FES: variants seen among roughly 807,000 people sequenced by gnomAD.
FES encodes the protein FES proto-oncogene, tyrosine kinase.
A neutral mutation model predicts 109.6 loss-of-function variants in FES; 83 were observed. The ratio of observed to expected loss-of-function variants is 0.76; its 90% CI spans 0.63 to 0.91. The LOEUF (loss-of-function observed/expected upper bound fraction) is 0.91. Among genes scored for constraint, FES ranks in the 40% least tolerant of loss-of-function variants. FES has a pLI of 0.00. For missense variants in FES, 943 were observed against 1,070.9 expected, an observed-to-expected ratio of 0.88 and a Z score of 1.67; for synonymous variants, 458 against 442.1, an observed-to-expected ratio of 1.04 and a Z score of -0.45.
intron 8 of FES, 26 bp from the exon 9 acceptor site, chr15:90,890,066 A>C (rs746693227): frequency 3.2e-5 from 48 of 1,523,332 alleles, no homozygotes; most frequent in East Asian, 1.5e-4. Context: ...ATTCTCATCC[A>C]CCCTCCCACC....
At position 90,885,039 on chromosome 15, in the gene FES, C is replaced by G. The variant is rs1596087163; in HGVS notation, c.-7C>G. ...GATGGCCCCTTTTCTGTCCCCAGAA[C>G]AGCACTATGGGCTTCTCTTCCGAGC... is the stretch of plus-strand genomic sequence containing the variant. On this transcript the variant is annotated splice_region_variant and 5_prime_UTR_variant, in exon 2 of 19. Transcript: ENST00000328850. The G allele has an allele frequency of 6.2e-7, 1 of 1,604,358 alleles. No homozygotes were observed.
intron 3 of FES, 41 bp from the exon 4 acceptor site, chr15:90,886,920 G>T: frequency 6.3e-7 from 1 of 1,585,184 alleles, no homozygotes; most frequent in Non-Finnish European, 8.7e-7. Context: ...TTCCACAACT[G>T]GGGACCTGCT....
At chr15:90,892,423 A>T (rs929285615) in intron 13 of FES, 1 of 580,338 alleles carries the variant, frequency 1.7e-6, no homozygotes, top group Non-Finnish European at 3.1e-6. Context: ...TTAGGGAAGA[A>T]GTCACTGTCC....
Position 90,890,227 on chromosome 15 carries a change from G to A in FES, c.1185G>A (p.Glu395=). The change falls in exon 9 of 19, where the codon GAG becomes GAA. Residue 395 remains glutamate (E), a synonymous_variant. Transcript: ENST00000328850. The stretch of plus-strand genomic sequence containing the variant: ...AGCTGGAGCACCTGGGCCCCGGCGA[G>A]CCCCCGCCTGTGCTGCTCCTGCAGG... ...QTKLEHLGPG[E]PPPVLLLQDD... 1.3e-6 allele frequency: 2 copies of A among 1,598,700 alleles called. No homozygotes were observed. Among genetic ancestry groups the A allele is most frequent in the Non-Finnish European group, 1.7e-6 (2 of 1,177,866 alleles).
intron 11 of FES, 123 bp downstream of exon 11, chr15:90,891,314 C>G: frequency 7.9e-7 from 1 of 1,272,556 alleles, no homozygotes; most frequent in Non-Finnish European, 1.1e-6. Flanking sequence ...CCTAGCAGGG[C>G]TGGCTGGAAG....
rs567712664 is a variant in FES, at chr15:90,892,945, G to A, written c.1826+120G>A. ...TAGTCCTCGAGGCCCCCCATTGCGG[G>A]TAGTACCCCCTTATAGTGCCGAAGG... On this transcript the variant is annotated intron_variant, in intron 14 of 18. Transcript: ENST00000328850. 7.1e-5 allele frequency: 95 copies of A among 1,329,208 alleles called. No homozygotes were observed. In the African/African-American group the frequency reaches 1.1e-3, roughly 15 times the overall value. The allele number at this position is 1,329,208 out of a possible 1,614,324, so 82.3% of individuals were successfully genotyped here.
chr15:90,893,388 C>A lies in FES; in HGVS notation c.2019C>A (p.Tyr673Ter). ...GGGATGCAGCTGCTGGCATGGAGTA[C>A]CTGGAGAGCAAGTGCTGCATCCACC... Reference protein sequence around the residue: ...MVGDAAAGMEYLESKCCIHRD... With the variant: ...MVGDAAAGME The change falls in exon 16 of 19, where the codon TAC (tyrosine) becomes TAA (stop). Residue 673 changes from tyrosine to a stop codon, truncating the protein, a stop_gained. Transcript: ENST00000328850. LOFTEE classifies it high-confidence loss of function. 1 of 1,558,556 alleles carries A rather than the reference C, an allele frequency of 6.4e-7. No homozygotes were observed. The highest frequency in any genetic ancestry group is 1.2e-5 in the South Asian group (1 of 83,098).
rs545555056 is a variant in FES, at chr15:90,884,719, G to A, written c.-10+175G>A. ...TGTGGGCGCCTGAGGCTTCAGCTGG[G>A]GCAGGCTTGGCCTGTCGAGGACCTG... On this transcript the variant is annotated intron_variant, in intron 1 of 18. Coordinates refer to ENST00000328850, the MANE Select transcript of FES (RefSeq NM_002005.4). The A allele has an allele frequency of 6.5e-4, 147 of 225,598 alleles. 2 individuals are homozygous for A. In the South Asian group the frequency reaches 0.012, roughly 19 times the overall value. The allele number at this position is 225,598 out of a possible 1,614,324, so 14.0% of individuals were successfully genotyped here.
rs2032497963 is a variant in FES, at chr15:90,885,441, G to A, written c.243G>A (p.Glu81=). Residue 81 remains glutamate, a synonymous_variant, in exon 3 of 19, where the codon GAG becomes GAA. Coordinates refer to ENST00000328850, the MANE Select transcript of FES (RefSeq NM_002005.4). ...GGGCTGAGATCACCAGCCAAACTGAGGGCCTGAGCCGCTTGCTGCGGCAGC... is the reference window on the plus strand; with the variant it reads ...GGGCTGAGATCACCAGCCAAACTGAAGGCCTGAGCCGCTTGCTGCGGCAGC... ...QSWAEITSQT[E]GLSRLLRQHA... 1.2e-6 allele frequency: 2 copies of A among 1,613,190 alleles called. No individual in the cohort carries two copies. Among genetic ancestry groups the A allele is most frequent in the Non-Finnish European group, 1.7e-6 (2 of 1,179,970 alleles).
chr15:90,885,338 G>A, intron 2 of FES, 74 bp from the exon 3 acceptor site: 1 of 1,596,876 alleles, frequency 6.3e-7, no homozygotes, highest in Non-Finnish European at 8.5e-7. Flanking sequence ...TGGGGCAGTG[G>A]CTGGAGATCT....
Position 90,895,511 on chromosome 15 carries a change from A to C in FES, c.2422A>C (p.Ser808Arg). ...TGAGCCTGGGCAGCGGCCCAGCTTCAGCACCATCTACCAGGAGCTGCAGAG... is the reference window on the plus strand; with the variant it reads ...TGAGCCTGGGCAGCGGCCCAGCTTCCGCACCATCTACCAGGAGCTGCAGAG... The part of the protein sequence containing the change: ...AYEPGQRPSF[S>R]TIYQELQSIR... Residue 808 changes from serine (S) to arginine (R), a missense_variant, in exon 19 of 19, where the codon AGC (serine) becomes CGC (arginine). Physicochemically the swap from Ser to Arg is moderately radical, Grantham distance 110. Coordinates refer to ENST00000328850, the MANE Select transcript of FES (RefSeq NM_002005.4). 1 of 1,600,124 alleles carries C rather than the reference A, an allele frequency of 6.2e-7. No individual in the cohort carries two copies. Among genetic ancestry groups the C allele is most frequent in the South Asian group, 1.1e-5 (1 of 89,128 alleles).
intron 3 of FES, 87 bp downstream of exon 3, chr15:90,885,672 A>C: frequency 6.6e-7 from 1 of 1,507,520 alleles, no homozygotes; most frequent in Middle Eastern, 1.8e-4. Context: ...CCCTGGATTC[A>C]CTGGGGAAGT....
At chr15:90,888,481 G>T (rs2032874656) in intron 5 of FES, among the ~76,000 whole-genome samples, 2 of 152,236 alleles carry the variant, frequency 1.3e-5, no homozygotes, top group South Asian at 2.1e-4. Context: ...ACAGAAGCTG[G>T]GAGGCCAGAG....
At chr15:90,884,589 C>T (rs1405288308) in intron 1 of FES, 45 bp downstream of exon 1, 6 of 157,956 alleles carry the variant, frequency 3.8e-5, no homozygotes, top group African/African-American at 9.6e-5. Flanking sequence ...GAGCTGGGGG[C>T]GCGGCAGGCA....
rs771148515 is a variant in FES, at chr15:90,890,258, C to T, written c.1216C>T (p.Arg406Cys). 28 of 1,593,204 alleles carry T rather than the reference C, an allele frequency of 1.8e-5. No individual in the cohort carries two copies. In the South Asian group the frequency reaches 2.1e-4, roughly 12 times the overall value. ...PPPVLLLQDD[R>C]HSTSSSEQER... The stretch of plus-strand genomic sequence containing the variant: ...GCCTGTGCTGCTCCTGCAGGATGAC[C>T]GCCACTCCACGTCGTCCTCGGTGAG... Residue 406 changes from arginine to cysteine, a missense_variant, in exon 9 of 19, where the codon CGC becomes TGC. Arg to Cys is a radical substitution (Grantham distance 180). Transcript: ENST00000328850.
At chr15:90,893,496 G>T in intron 16 of FES, 82 bp downstream of exon 16, 2 of 1,500,604 alleles carry the variant, frequency 1.3e-6, no homozygotes, top group South Asian at 2.7e-5. Context: ...CCCCCCGCTG[G>T]ACCATCAGGC....
At chr15:90,891,728 T>C (rs754400574) in intron 12 of FES, 52 bp downstream of exon 12, 4 of 1,608,286 alleles carry the variant, frequency 2.5e-6, no homozygotes, top group African/African-American at 1.3e-5. Context: ...GCTTGGGGAG[T>C]GTGGGTCAGG....
chr15:90,886,995 A>G lies in FES; in HGVS notation c.422A>G (p.Gln141Arg), dbSNP rs1596094147. 1 of 1,614,188 alleles carries G rather than the reference A, an allele frequency of 6.2e-7. No homozygotes were observed. The highest frequency in any genetic ancestry group is 2.2e-5 in the East Asian group (1 of 44,894). ...CAGGACATTGAGAAGCTGAAGAGCCAGTACCGAGCTCTGGCACGGGACAGT... is the reference window on the plus strand; with the variant it reads ...CAGGACATTGAGAAGCTGAAGAGCCGGTACCGAGCTCTGGCACGGGACAGT... ...HSQDIEKLKS[Q>R]YRALARDSAQ... The change falls in exon 4 of 19, where the codon CAG becomes CGG. Residue 141 changes from glutamine (Q) to arginine (R), a missense_variant. Gln to Arg is a conservative substitution (Grantham distance 43). Coordinates refer to ENST00000328850, the MANE Select transcript of FES (RefSeq NM_002005.4).
chr15:90,887,369 C>A lies in FES; in HGVS notation c.667C>A (p.Leu223Met). 1 of 1,607,518 alleles carries A rather than the reference C, an allele frequency of 6.2e-7. No individual in the cohort carries two copies. Residue 223 changes from leucine (L) to methionine (M), a missense_variant and splice_region_variant, in exon 5 of 19, where the codon CTG becomes ATG. Leu to Met is a conservative substitution (Grantham distance 15). Coordinates refer to ENST00000328850, the MANE Select transcript of FES (RefSeq NM_002005.4). ...CCTGCACGAGGAGATGGCTTGCATCCTGTAAGCCCGCAGCCCCGTCCCCTG... is the reference window on the plus strand; with the variant it reads ...CCTGCACGAGGAGATGGCTTGCATCATGTAAGCCCGCAGCCCCGTCCCCTG... Reference protein sequence around the residue: ...QDLHEEMACILKEILQEYLEI... With the variant: ...QDLHEEMACIMKEILQEYLEI...
Sources: gnomAD v4.1 joint callset for allele counts (sites outside exome capture counted in the v4.1 genomes callset) on GRCh38, gnomAD v4.1.1 for gene constraint, MANE v1.5 for transcripts, NCBI Gene and HGNC (gene_info 2026-07-23, HGNC 2026-07-21) for gene names.